Variants in KALRN observed in about 807,000 individuals in gnomAD.
KALRN encodes the protein kalirin RhoGEF kinase.
In KALRN, 70 loss-of-function variants were observed where a neutral mutation model predicts 353.7. That is an observed-to-expected ratio of 0.20 (90% confidence interval 0.16 to 0.24). The LOEUF (loss-of-function observed/expected upper bound fraction) is 0.24. Among genes scored for constraint, KALRN ranks in the 10% least tolerant of loss-of-function variants. KALRN has a pLI of 1.00. For missense variants in KALRN, 2,791 were observed against 3,756.7 expected (o/e 0.74, Z 6.72); for synonymous variants, 1,391 against 1,434.8 (o/e 0.97, Z 0.69).
chr3:124,455,182 A>G lies in KALRN; in HGVS notation c.3558A>G (p.Thr1186=). The G allele has an allele frequency of 6.2e-7, 1 of 1,614,108 alleles. No homozygotes were observed. The highest frequency in any genetic ancestry group is 8.5e-7 in the Non-Finnish European group (1 of 1,179,984). Residue 1186 remains threonine (T), a synonymous_variant, in exon 22 of 60, where the codon ACA becomes ACG. Coordinates refer to ENST00000682506, the MANE Select transcript of KALRN (RefSeq NM_001388419.1). ...YGEFRVPAKQ[T]KEKVKLLIQL... The stretch of plus-strand genomic sequence containing the variant: ...AAGGCCATCTTTTGGGGCAGCAAAC[A>G]AAGGAGAAGGTGAAGCTTCTGATTC...
chr3:124,401,712 G>A (rs1310125970), intron 13 of KALRN, among the ~76,000 whole-genome samples: 1 of 152,058 alleles, frequency 6.6e-6, no homozygotes, highest in Non-Finnish European at 1.5e-5. Flanking sequence ...GATTTTACAA[G>A]GGGTCTTATT....
In KALRN at chr3:124,302,206, G is replaced by A. The variant is rs2077325632; in HGVS notation, c.1092+3293G>A. On this transcript the variant is annotated intron_variant, in intron 6 of 59. Transcript: ENST00000682506. ...TATTGGATACTGAGCATATAGTGGT[G>A]AACAAGACAGAGATGATTATGTCTC... Among the ~76,000 whole-genome samples the A allele has an allele frequency of 2.0e-5, 3 of 152,176 alleles. No homozygotes were observed. The South Asian group carries it at 6.2e-4, about 32-fold the overall frequency.
intron 19 of KALRN, among the ~76,000 whole-genome samples, chr3:124,443,558 G>A (rs2150623751): frequency 6.6e-6 from 1 of 152,296 alleles, no homozygotes; most frequent in East Asian, 1.9e-4. Context: ...TGGGGAGCTG[G>A]TATTATGTCA....
At chr3:124,355,975 A>G (rs1222768901) in intron 10 of KALRN, among the ~76,000 whole-genome samples, 2 of 151,996 alleles carry the variant, frequency 1.3e-5, no homozygotes, top group Non-Finnish European at 2.9e-5. Flanking sequence ...TTGGCCTCCC[A>G]AAGTGCTGGG....
At chr3:124,094,343 AC>A (rs1434007539) in intron 1 of KALRN, among the ~76,000 whole-genome samples, 1 of 152,236 alleles carries the variant, frequency 6.6e-6, no homozygotes, top group African/African-American at 2.4e-5. Context: ...TGAGGCAGTA[AC>A]GCTCCCAGGC....
chr3:124,135,467 C>T (rs2065819249), intron 1 of KALRN, among the ~76,000 whole-genome samples: 1 of 152,120 alleles, frequency 6.6e-6, no homozygotes, highest in South Asian at 2.1e-4. Context: ...TCTCACAAAT[C>T]ACCACTAAAG....
intron 1 of KALRN, among the ~76,000 whole-genome samples, chr3:124,197,773 A>G (rs1479750119): frequency 2.0e-5 from 3 of 152,130 alleles, no homozygotes; most frequent in Non-Finnish European, 2.9e-5. Context: ...GAGCCTTCCT[A>G]TCTGTTTTTC....
At chr3:124,648,845 G>A (rs1489510245) in intron 37 of KALRN, among the ~76,000 whole-genome samples, 1 of 152,196 alleles carries the variant, frequency 6.6e-6, no homozygotes, top group Non-Finnish European at 1.5e-5. Context: ...TGGTTGTCAA[G>A]CCTCAGCACC....
At chr3:124,640,115 T>C (rs2081868802) in intron 37 of KALRN, among the ~76,000 whole-genome samples, 2 of 151,962 alleles carry the variant, frequency 1.3e-5, no homozygotes, top group African/African-American at 4.8e-5. Flanking sequence ...AGCTCTGGAG[T>C]ATTTATTTGA....
At chr3:124,181,338 CAT>C (rs1205329685) in intron 1 of KALRN, among the ~76,000 whole-genome samples, 1 of 152,004 alleles carries the variant, frequency 6.6e-6, no homozygotes, top group Non-Finnish European at 1.5e-5. Flanking sequence ...ATGAAAAAAA[CAT>C]AAAGGAGAGA....
chr3:124,276,502 T>C (rs2074738601), intron 5 of KALRN, among the ~76,000 whole-genome samples: 1 of 152,176 alleles, frequency 6.6e-6, no homozygotes, highest in Non-Finnish European at 1.5e-5. Flanking sequence ...ATCCTGCTGC[T>C]TCTACTTCCC....
intron 45 of KALRN, among the ~76,000 whole-genome samples, chr3:124,663,694 A>T (rs1227598793): frequency 6.6e-6 from 1 of 152,160 alleles, no homozygotes; most frequent in Admixed American, 6.5e-5. Context: ...TTTTGGGGCA[A>T]AGGGATTCCT....
At chr3:124,179,214 T>C (rs2073214080) in intron 1 of KALRN, among the ~76,000 whole-genome samples, 4 of 152,274 alleles carry the variant, frequency 2.6e-5, no homozygotes, top group Admixed American at 2.6e-4. Flanking sequence ...CGAATAGGTG[T>C]ATGGCTCTGC....
chr3:124,454,050 G>A (rs2059060642), intron 21 of KALRN, among the ~76,000 whole-genome samples: 1 of 152,168 alleles, frequency 6.6e-6, no homozygotes, highest in Non-Finnish European at 1.5e-5. Flanking sequence ...TGCTAAAAAT[G>A]AAATTAATCC....
intron 1 of KALRN, among the ~76,000 whole-genome samples, chr3:124,153,940 C>T (rs2068583736): frequency 6.6e-6 from 1 of 152,022 alleles, no homozygotes; most frequent in African/African-American, 2.4e-5. Flanking sequence ...CTGTTCATAT[C>T]CTTTGCCCAC....
intron 21 of KALRN, among the ~76,000 whole-genome samples, chr3:124,453,046 C>T (rs938179911): frequency 3.3e-5 from 5 of 152,138 alleles, no homozygotes; most frequent in African/African-American, 1.2e-4. Context: ...AAACACCCTA[C>T]ATGCAATAAG....
At chr3:124,268,599 A>T in intron 4 of KALRN, 144 bp from the exon 5 acceptor site, 1 of 768,724 alleles carries the variant, frequency 1.3e-6, no homozygotes, top group Non-Finnish European at 2.1e-6. Context: ...CTGACCAGTG[A>T]GTCCCATGGC....
At chr3:124,247,951 A>T (rs957433680) in intron 3 of KALRN, among the ~76,000 whole-genome samples, 1 of 152,240 alleles carries the variant, frequency 6.6e-6, no homozygotes, top group African/African-American at 2.4e-5. Flanking sequence ...TTTAGAAAAA[A>T]AGATTTATTC....
chr3:124,116,794 ATGT>A lies in KALRN; in HGVS notation c.73+82982_73+82984del, dbSNP rs367678776. Among the ~76,000 whole-genome samples, 41 of 152,378 alleles carry A rather than the reference ATGT, an allele frequency of 2.7e-4. 1 individual carries two copies. In the East Asian group the frequency reaches 6.6e-3, roughly 24 times the overall value. On this transcript the variant is annotated intron_variant, in intron 1 of 59. Coordinates refer to ENST00000682506, the MANE Select transcript of KALRN (RefSeq NM_001388419.1). The stretch of plus-strand genomic sequence containing the variant: ...CAATTATAACAATATAATGGAAGTT[ATGT>A]GACTGTGGTATCACTCTTTCTCAAA...
Sources: allele counts gnomAD v4.1 joint callset (sites outside exome capture counted in the v4.1 genomes callset), GRCh38; gene constraint gnomAD v4.1.1; transcripts MANE v1.5; gene names NCBI Gene and HGNC (gene_info 2026-07-23, HGNC 2026-07-21).